The following PCDHGA3 variants were observed in gnomAD, a reference collection of about 807,000 sequenced individuals.
The protein encoded by PCDHGA3 is protocadherin gamma-A3.
In PCDHGA3, 40 loss-of-function variants were observed where a neutral mutation model predicts 58.5. The observed-to-expected ratio is 0.68, with a 90% CI of 0.53 to 0.89. PCDHGA3 has a LOEUF of 0.89. Ranked by LOEUF, PCDHGA3 falls within the 40% of genes least tolerant of loss-of-function variation. The pLI is 0.00. For missense variants in PCDHGA3, 1,223 were observed against 1,195.9 expected (o/e 1.02, Z -0.33); for synonymous variants, 530 against 525.7 (o/e 1.01, Z -0.11).
At chr5:141,415,879 T>C (rs1002596454) in intron 1 of PCDHGA3, 1 of 1,003,176 alleles carries the variant, frequency 1.0e-6, no homozygotes, top group African/African-American at 1.7e-5. Context: ...TTGAGTACAA[T>C]ATTGACAATT....
chr5:141,394,724 G>T, intron 1 of PCDHGA3: 1 of 1,613,380 alleles, frequency 6.2e-7, no homozygotes, highest in Non-Finnish European at 8.5e-7. Flanking sequence ...ACAGAGATGC[G>T]CTCAAGCAGA....
intron 1 of PCDHGA3, chr5:141,399,780 A>C (rs1444494014): frequency 6.2e-7 from 1 of 1,613,170 alleles, no homozygotes; most frequent in Non-Finnish European, 8.5e-7. Flanking sequence ...TGGGCGACCG[A>C]AACGACAACG....
intron 1 of PCDHGA3, chr5:141,394,467 G>C (rs558211393): frequency 3.1e-6 from 5 of 1,614,120 alleles, no homozygotes; most frequent in African/African-American, 1.3e-5. Context: ...GAGCCTGTTC[G>C]TGCTGGACCA....
intron 1 of PCDHGA3, chr5:141,415,234 A>G: frequency 1.2e-6 from 2 of 1,614,136 alleles, no homozygotes; most frequent in Non-Finnish European, 1.7e-6. Context: ...GTCTCCAGCT[A>G]ACTCTGAAAC....
At chr5:141,492,755 C>T (rs938918009) in intron 1 of PCDHGA3, among the ~76,000 whole-genome samples, 3 of 152,262 alleles carry the variant, frequency 2.0e-5, no homozygotes, top group African/African-American at 7.2e-5. Flanking sequence ...CGCGGCAGGG[C>T]TCCGCGTTGG....
At position 141,512,881 on chromosome 5, in the gene PCDHGA3, C is replaced by T. The variant is rs1274589284; in HGVS notation, c.*1708C>T. 1.3e-5 allele frequency: 2 copies of T among 152,268 alleles called. No homozygotes were observed. Among genetic ancestry groups the T allele is most frequent in the African/African-American group, 4.8e-5 (2 of 41,458 alleles). 9.4% of individuals were successfully genotyped at this position (152,268 alleles called of 1,614,324 possible). On this transcript the variant is annotated 3_prime_UTR_variant, in exon 4 of 4. Coordinates refer to ENST00000253812, the MANE Select transcript of PCDHGA3 (RefSeq NM_018916.4). Reference sequence around the variant, plus strand: ...TCGCATAGTCACGTAGCTCCCACCCCACCCTCTTCCTGTGTCTCACGCAAG... The same window carrying T: ...TCGCATAGTCACGTAGCTCCCACCCTACCCTCTTCCTGTGTCTCACGCAAG...
rs370032689 is a variant in PCDHGA3 at position 141,415,343 on chromosome 5, G to A, written c.2424+68886G>A. 84 of 1,614,112 alleles carry A rather than the reference G, an allele frequency of 5.2e-5. No homozygotes were observed. The African/African-American group carries it at 1.0e-3, about 20-fold the overall frequency. On this transcript the variant is annotated intron_variant, in intron 1 of 3. Transcript: ENST00000253812. The stretch of plus-strand genomic sequence containing the variant: ...CTGCTGGCGCACAGGCTGCGGCGCT[G>A]GCACAAGTCACGCCTGCTGCAGGCT...
At chr5:141,482,371 T>C (rs1191880709) in intron 1 of PCDHGA3, among the ~76,000 whole-genome samples, 2 of 152,100 alleles carry the variant, frequency 1.3e-5, no homozygotes, top group African/African-American at 2.4e-5. Flanking sequence ...AAGTAATGCA[T>C]ATAAAGTCCC....
Position 141,489,089 on chromosome 5 carries a change from A to T in PCDHGA3, c.2425-5718A>T, listed in dbSNP as rs1214993065. The T allele has an allele frequency of 7.4e-5, 21 of 284,398 alleles. No homozygotes were observed. Among genetic ancestry groups the T allele is most frequent in the East Asian group, 1.1e-4 (2 of 17,560 alleles). The allele number at this position is 284,398 out of a possible 1,614,324, so 17.6% of individuals were successfully genotyped here. On this transcript the variant is annotated intron_variant, in intron 1 of 3. Coordinates refer to ENST00000253812, the MANE Select transcript of PCDHGA3 (RefSeq NM_018916.4). This position sits in a 1 kb window ranked among gnomAD's most constrained non-coding sequence, Gnocchi z 4.5. ...CCCTGCCCACCCCCGCCACTCGGTGACTAAGAACTGCTGCAAGCAGGCAAA... is the reference window on the plus strand; with the variant it reads ...CCCTGCCCACCCCCGCCACTCGGTGTCTAAGAACTGCTGCAAGCAGGCAAA...
intron 1 of PCDHGA3, chr5:141,371,512 A>ATCTCTAGATC: frequency 6.2e-7 from 1 of 1,613,868 alleles, no homozygotes; most frequent in Non-Finnish European, 8.5e-7. Flanking sequence ...AAAACACATG[A>ATCTCTAGATC]TCTAGATTCT....
intron 1 of PCDHGA3, among the ~76,000 whole-genome samples, chr5:141,358,907 T>C (rs1050690126): frequency 3.3e-5 from 5 of 152,202 alleles, no homozygotes; most frequent in African/African-American, 1.2e-4. Context: ...TGAGGGAAAA[T>C]ATTTTGTGTG....
At chr5:141,375,036 G>A (rs1229219386) in intron 1 of PCDHGA3, 6 of 1,614,002 alleles carry the variant, frequency 3.7e-6, no homozygotes, top group Admixed American at 1.7e-5. Context: ...TATGAGCTGG[G>A]TGTTGAAGCC....
intron 1 of PCDHGA3, chr5:141,394,936 T>G: frequency 1.2e-6 from 2 of 1,613,836 alleles, no homozygotes; most frequent in Non-Finnish European, 8.5e-7. Flanking sequence ...CTCGCCTTTG[T>G]CGCTGTGCTT....
chr5:141,405,056 T>A (rs770920034), intron 1 of PCDHGA3: 8 of 1,613,836 alleles, frequency 5.0e-6, no homozygotes, highest in Non-Finnish European at 6.8e-6. Context: ...AGTCGTCTCC[T>A]GTGTCTTCCT....
intron 1 of PCDHGA3, chr5:141,428,003 C>A (rs1175875944): frequency 2.5e-6 from 4 of 1,601,244 alleles, no homozygotes; most frequent in Non-Finnish European, 3.4e-6. Context: ...CCGCACTCTT[C>A]GATATAGTGC....
At chr5:141,398,819 A>C (rs571120530) in intron 1 of PCDHGA3, 1 of 1,613,994 alleles carries the variant, frequency 6.2e-7, no homozygotes, top group East Asian at 2.2e-5. Flanking sequence ...CTCCGGATCC[A>C]GGTAACCGAC....
intron 1 of PCDHGA3, among the ~76,000 whole-genome samples, chr5:141,434,579 A>T (rs931282309): frequency 6.6e-6 from 1 of 152,232 alleles, no homozygotes; most frequent in African/African-American, 2.4e-5. Context: ...CCTGCTGCAG[A>T]TAACTACCTC....
chr5:141,376,686 T>G (rs543583265), intron 1 of PCDHGA3: 153 of 814,322 alleles, frequency 1.9e-4, no homozygotes, highest in Middle Eastern at 1.5e-3. Flanking sequence ...GTTTTTTTTT[T>G]TTTTTTTTTT....
At chr5:141,482,528 T>C (rs945815289) in intron 1 of PCDHGA3, among the ~76,000 whole-genome samples, 1 of 56,520 alleles carries the variant, frequency 1.8e-5, no homozygotes, top group Non-Finnish European at 2.8e-5. Flanking sequence ...GAGACAGACA[T>C]GCAAAAAAAA....
Sources: allele counts gnomAD v4.1 joint callset (sites outside exome capture counted in the v4.1 genomes callset), GRCh38; gene constraint gnomAD v4.1.1; non-coding constraint Gnocchi (gnomAD v3.1); transcripts MANE v1.5; gene names NCBI Gene and HGNC (gene_info 2026-07-23, HGNC 2026-07-21).